CSMD2: variants seen among roughly 807,000 people sequenced by gnomAD.
CSMD2 encodes CUB and sushi domain-containing protein 2.
In CSMD2, 130 loss-of-function variants were observed where a neutral mutation model predicts 398.5. The ratio of observed to expected loss-of-function variants is 0.33; its 90% CI spans 0.28 to 0.38. CSMD2 has a LOEUF of 0.38. Among genes scored for constraint, CSMD2 ranks in the 10% least tolerant of loss-of-function variants. CSMD2 has a pLI of 1.00. For missense variants in CSMD2, 3,829 were observed against 4,764.9 expected (o/e 0.80, Z 5.78); for synonymous variants, 1,828 against 1,908.5 (o/e 0.96, Z 1.10).
intron 29 of CSMD2, among the ~76,000 whole-genome samples, chr1:33,638,323 T>C (rs192710488): frequency 6.6e-6 from 1 of 152,370 alleles, no homozygotes; most frequent in East Asian, 1.9e-4. Context: ...TTGTTTCATC[T>C]ATCCTTTTTA....
chr1:33,804,669 T>TAG lies in CSMD2; in HGVS notation c.1446+6072_1446+6073dup, dbSNP rs1656013494. On this transcript the variant is annotated intron_variant, in intron 10 of 70. Transcript: ENST00000373381. ...CATCTCATAAAACATACTGTGAGCT[T>TAG]AGAGACTATGCTTTTTGCTGAAGGA... is the stretch of plus-strand genomic sequence containing the variant. The TAG allele has an allele frequency of 1.8e-5, 13 of 716,270 alleles. No individual in the cohort carries two copies. The Admixed American group carries it at 2.0e-4, about 11-fold the overall frequency. 44.4% of individuals were successfully genotyped at this position (716,270 alleles called of 1,614,324 possible).
At chr1:33,576,810 T>A (rs1198147897) in intron 49 of CSMD2, among the ~76,000 whole-genome samples, 3 of 152,104 alleles carry the variant, frequency 2.0e-5, no homozygotes, top group Non-Finnish European at 4.4e-5. Flanking sequence ...TACCGTTTTT[T>A]TTTTTCTTCT....
In CSMD2 at chr1:33,681,301, T is replaced by G. The variant is rs1644902730; in HGVS notation, c.4052+11629A>C. Among the ~76,000 whole-genome samples, 4 of 152,208 alleles carry G rather than the reference T, an allele frequency of 2.6e-5. No homozygotes were observed. The South Asian group carries it at 8.3e-4, about 32-fold the overall frequency. ...TTAGTTTGTAAGTTTTCTTTAGTGA[T>G]TTGCAAAGTACACATTTTATTTTAA... On this transcript the variant is annotated intron_variant, in intron 25 of 70. Transcript: ENST00000373381.
chr1:33,664,196 C>T (rs1376270551), intron 25 of CSMD2, among the ~76,000 whole-genome samples: 2 of 152,210 alleles, frequency 1.3e-5, no homozygotes, highest in Non-Finnish European at 2.9e-5. Context: ...CCAACCTGTT[C>T]TCCAGAGCTA....
intron 2 of CSMD2, among the ~76,000 whole-genome samples, chr1:34,083,848 G>A (rs528097362): frequency 6.6e-6 from 1 of 152,250 alleles, no homozygotes; most frequent in Admixed American, 6.5e-5. Flanking sequence ...GAGTCCAGGA[G>A]ACAGAGATTG....
intron 3 of CSMD2, among the ~76,000 whole-genome samples, chr1:33,944,070 T>C (rs890424055): frequency 2.0e-5 from 3 of 152,128 alleles, no homozygotes. Context: ...GACCTGATTT[T>C]TTCCATGCAG....
At chr1:33,864,617 T>G in intron 5 of CSMD2, 1 of 1,614,014 alleles carries the variant, frequency 6.2e-7, no homozygotes, top group Non-Finnish European at 8.5e-7. Flanking sequence ...AGCACCCTTA[T>G]GAGCAAAGAG....
Position 34,163,971 on chromosome 1 carries a change from G to A in CSMD2, c.187+940C>T, listed in dbSNP as rs1231939117. Among the ~76,000 whole-genome samples, 1 of 152,086 alleles carries A rather than the reference G, an allele frequency of 6.6e-6. No homozygotes were observed. Among genetic ancestry groups the A allele is most frequent in the Non-Finnish European group, 1.5e-5 (1 of 67,998 alleles). On this transcript the variant is annotated intron_variant, in intron 1 of 70. Transcript: ENST00000373381. The surrounding 1 kb of genome is among the most constrained non-coding windows in gnomAD (Gnocchi z 5.4). ...GTACCTCCCCCGCGCGCTGCAAGCT[G>A]CAGCCAGACACCCGCGAAGTTCCGG...
intron 41 of CSMD2, among the ~76,000 whole-genome samples, chr1:33,608,495 A>G (rs561376565): frequency 1.2e-4 from 19 of 152,336 alleles, no homozygotes; most frequent in Non-Finnish European, 2.2e-4. Context: ...CCCAAAATTC[A>G]TATGCTGAAG....
Position 33,571,519 on chromosome 1 carries a change from T to A in CSMD2, c.7957+13A>T, listed in dbSNP as rs747498648. ...CCCTGCTAAACTTGCCCACCCTCCC[T>A]TCCTGGGCTTACTTCGGCAGGTGGG... On this transcript the variant is annotated intron_variant, in intron 51 of 70. Coordinates refer to ENST00000373381, the MANE Select transcript of CSMD2 (RefSeq NM_001281956.2). The A allele has an allele frequency of 2.8e-6, 4 of 1,435,750 alleles. No homozygotes were observed. The South Asian group carries it at 5.1e-5, about 18-fold the overall frequency. The allele number at this position is 1,435,750 out of a possible 1,614,324, so 88.9% of individuals were successfully genotyped here.
At chr1:34,039,352 G>A (rs1018152983) in intron 2 of CSMD2, among the ~76,000 whole-genome samples, 3 of 152,174 alleles carry the variant, frequency 2.0e-5, no homozygotes, top group Non-Finnish European at 4.4e-5. Context: ...CTTGGCCTCC[G>A]CAGCCACGGT....
At chr1:33,929,148 T>C (rs1361811696) in intron 4 of CSMD2, among the ~76,000 whole-genome samples, 1 of 152,082 alleles carries the variant, frequency 6.6e-6, no homozygotes, top group African/African-American at 2.4e-5. Context: ...TGGCCCTTTA[T>C]TCTATCAGCC....
intron 40 of CSMD2, among the ~76,000 whole-genome samples, chr1:33,612,760 C>A (rs1641098722): frequency 1.3e-5 from 2 of 151,352 alleles, no homozygotes; most frequent in South Asian, 4.2e-4. Context: ...TGGCTCACTG[C>A]AAGCTCCGCC....
intron 4 of CSMD2, among the ~76,000 whole-genome samples, chr1:33,921,021 G>T (rs140471576): frequency 5.3e-5 from 8 of 152,300 alleles, no homozygotes; most frequent in African/African-American, 1.9e-4. Flanking sequence ...GACTTATTAG[G>T]CAGGACCGTC....
chr1:34,137,394 C>G (rs1638862894), intron 1 of CSMD2, among the ~76,000 whole-genome samples: 1 of 152,164 alleles, frequency 6.6e-6, no homozygotes, highest in African/African-American at 2.4e-5. Context: ...AGTCTTTTTC[C>G]ACACTTATAT....
chr1:34,103,289 C>T (rs1010885555), intron 1 of CSMD2, among the ~76,000 whole-genome samples: 3 of 106,968 alleles, frequency 2.8e-5, no homozygotes, highest in East Asian at 2.8e-4. Context: ...ACTCCTTGAG[C>T]TTTTTTTTTT....
intron 3 of CSMD2, among the ~76,000 whole-genome samples, chr1:34,024,462 T>G (rs1649363185): frequency 6.6e-6 from 1 of 152,238 alleles, no homozygotes; most frequent in Non-Finnish European, 1.5e-5. Flanking sequence ...AATATTACTA[T>G]GCATGATGAA....
intron 13 of CSMD2, among the ~76,000 whole-genome samples, chr1:33,756,009 C>T (rs1302273045): frequency 6.6e-6 from 1 of 152,126 alleles, no homozygotes; most frequent in Non-Finnish European, 1.5e-5. Flanking sequence ...TTCAACAGAG[C>T]TAGCCCTCTC....
chr1:33,554,560 CAA>C (rs1457592232), intron 55 of CSMD2, among the ~76,000 whole-genome samples: 1 of 152,072 alleles, frequency 6.6e-6, no homozygotes, highest in African/African-American at 2.4e-5. Context: ...TTCAAAATTT[CAA>C]AAGACTGAAT....
Sources: gnomAD v4.1 joint callset for allele counts (sites outside exome capture counted in the v4.1 genomes callset) on GRCh38, gnomAD v4.1.1 for gene constraint, Gnocchi (gnomAD v3.1) non-coding constraint, MANE v1.5 for transcripts, NCBI Gene and HGNC (gene_info 2026-07-23, HGNC 2026-07-21) for gene names.